The following TMEM132D variants were observed in gnomAD, a reference collection of about 807,000 sequenced individuals.
TMEM132D encodes the protein transmembrane protein 132D.
Under a neutral mutation model 62.3 loss-of-function variants are expected in TMEM132D, and 21 were observed. The observed-to-expected ratio is 0.34, with a 90% CI of 0.24 to 0.49. The LOEUF (loss-of-function observed/expected upper bound fraction) is 0.49. Ranked by LOEUF, TMEM132D falls within the 20% of genes least tolerant of loss-of-function variation. The probability of loss-of-function intolerance (pLI) is 0.99; values close to 1 mark genes in which losing one functional copy is unlikely to be tolerated. For missense variants in TMEM132D, 1,346 were observed against 1,402.8 expected (o/e 0.96, Z 0.65); for synonymous variants, 621 against 575.6 (o/e 1.08, Z -1.13).
chr12:129,873,771 A>G (rs1023889536), intron 1 of TMEM132D, among the ~76,000 whole-genome samples: 15 of 152,198 alleles, frequency 9.9e-5, no homozygotes, highest in Non-Finnish European at 2.1e-4. Context: ...TGGTTAAAAA[A>G]CACACAGAGA....
intron 3 of TMEM132D, among the ~76,000 whole-genome samples, chr12:129,398,006 G>A (rs558744179): frequency 6.6e-6 from 1 of 152,200 alleles, no homozygotes; most frequent in African/African-American, 2.4e-5. Flanking sequence ...AGGTGCTTCA[G>A]TTCTCTCAGC....
intron 4 of TMEM132D, among the ~76,000 whole-genome samples, chr12:129,227,933 T>A (rs1259468140): frequency 1.3e-5 from 2 of 152,204 alleles, no homozygotes; most frequent in African/African-American, 4.8e-5. Flanking sequence ...TGAACTCATC[T>A]TTTTTATGGC....
chr12:129,790,960 A>C (rs540252742), intron 1 of TMEM132D, among the ~76,000 whole-genome samples: 1 of 152,218 alleles, frequency 6.6e-6, no homozygotes, highest in Non-Finnish European at 1.5e-5. Context: ...TTTGTTTTCA[A>C]TGGAAAGAAA....
intron 2 of TMEM132D, among the ~76,000 whole-genome samples, chr12:129,682,009 C>T (rs1258777234): frequency 6.6e-6 from 1 of 152,222 alleles, no homozygotes; most frequent in Non-Finnish European, 1.5e-5. Context: ...TGCTATCTTG[C>T]ACTAGAATGT....
chr12:129,434,520 T>C (rs945194512), intron 3 of TMEM132D, among the ~76,000 whole-genome samples: 1 of 152,118 alleles, frequency 6.6e-6, no homozygotes, highest in Non-Finnish European at 1.5e-5. Context: ...ACAGATGGCA[T>C]GCTAAGGGGG....
At chr12:129,609,871 C>T (rs888897458) in intron 2 of TMEM132D, among the ~76,000 whole-genome samples, 2 of 152,212 alleles carry the variant, frequency 1.3e-5, no homozygotes, top group African/African-American at 4.8e-5. Flanking sequence ...ACACACTCCC[C>T]ACTGGGGGTT....
intron 5 of TMEM132D, among the ~76,000 whole-genome samples, chr12:129,198,111 T>G (rs1361584300): frequency 6.6e-6 from 1 of 152,340 alleles, no homozygotes; most frequent in South Asian, 2.1e-4. Flanking sequence ...TCTGTCAGAA[T>G]GGCTATTATT....
At position 129,861,010 on chromosome 12, in the gene TMEM132D, A is replaced by G. The variant is rs185384317; in HGVS notation, c.79+42251T>C. Among the ~76,000 whole-genome samples, 7 of 152,322 alleles carry G rather than the reference A, an allele frequency of 4.6e-5. No individual in the cohort carries two copies. In the East Asian group the frequency reaches 7.7e-4, roughly 17 times the overall value. Reference sequence around the variant, plus strand: ...ATTTGGGTGGGGACACAGCCAAACCATATCAGTTTGCTTATCAACAAATGA... The same window carrying G: ...ATTTGGGTGGGGACACAGCCAAACCGTATCAGTTTGCTTATCAACAAATGA... On this transcript the variant is annotated intron_variant, in intron 1 of 8. Coordinates refer to ENST00000422113, the MANE Select transcript of TMEM132D (RefSeq NM_133448.3).
chr12:129,334,995 A>G (rs1330581144), intron 4 of TMEM132D, among the ~76,000 whole-genome samples: 1 of 152,202 alleles, frequency 6.6e-6, no homozygotes, highest in Non-Finnish European at 1.5e-5. Context: ...GCTGTGGATA[A>G]GTCCCTTACC....
chr12:129,369,230 A>G (rs1262715093), intron 3 of TMEM132D, among the ~76,000 whole-genome samples: 1 of 152,196 alleles, frequency 6.6e-6, no homozygotes, highest in Non-Finnish European at 1.5e-5. Flanking sequence ...GACCTGCCAA[A>G]ATACAGGAAA....
intron 1 of TMEM132D, among the ~76,000 whole-genome samples, chr12:129,885,026 G>T (rs1566019270): frequency 6.6e-6 from 1 of 152,176 alleles, no homozygotes; most frequent in Non-Finnish European, 1.5e-5. Flanking sequence ...TAGCCCAAAA[G>T]GCTACATAGT....
At chr12:129,200,045 C>T (rs1248082611) in intron 5 of TMEM132D, among the ~76,000 whole-genome samples, 1 of 152,122 alleles carries the variant, frequency 6.6e-6, no homozygotes, top group African/African-American at 2.4e-5. Context: ...AATAATAATG[C>T]CAGGTGAGTA....
intron 5 of TMEM132D, among the ~76,000 whole-genome samples, chr12:129,187,439 T>A (rs1301211745): frequency 6.6e-6 from 1 of 152,168 alleles, no homozygotes; most frequent in Non-Finnish European, 1.5e-5. Flanking sequence ...AGGACTTGGC[T>A]GAGGGTGTCA....
At chr12:129,271,641 A>G (rs1365813113) in intron 4 of TMEM132D, among the ~76,000 whole-genome samples, 1 of 151,326 alleles carries the variant, frequency 6.6e-6, no homozygotes, top group Non-Finnish European at 1.5e-5. Context: ...ACTCCTACTT[A>G]TGAGTGAGAA....
chr12:129,125,499 AGTTTTTT>A (rs1419544628), intron 5 of TMEM132D, among the ~76,000 whole-genome samples: 7 of 127,832 alleles, frequency 5.5e-5, no homozygotes, highest in African/African-American at 1.5e-4. Context: ...AATTACTATG[AGTTTTTT>A]TTTTTTTTTT....
intron 5 of TMEM132D, among the ~76,000 whole-genome samples, chr12:129,197,803 T>C (rs767179352): frequency 6.6e-6 from 1 of 152,066 alleles, no homozygotes; most frequent in African/African-American, 2.4e-5. Context: ...GAATGAAACA[T>C]AAACATTTCT....
chr12:129,522,333 C>T (rs1207285404), intron 3 of TMEM132D, among the ~76,000 whole-genome samples: 3 of 152,142 alleles, frequency 2.0e-5, no homozygotes, highest in Non-Finnish European at 2.9e-5. Flanking sequence ...TGATACTTTG[C>T]ACCAGTTGGA....
At chr12:129,404,898 T>G (rs1328455572) in intron 3 of TMEM132D, among the ~76,000 whole-genome samples, 1 of 152,130 alleles carries the variant, frequency 6.6e-6, no homozygotes, top group Admixed American at 6.5e-5. Flanking sequence ...ATCAGGAAGC[T>G]GCCTGACTTG....
At chr12:129,599,809 T>A (rs1021483796) in intron 2 of TMEM132D, among the ~76,000 whole-genome samples, 2 of 152,256 alleles carry the variant, frequency 1.3e-5, no homozygotes, top group African/African-American at 4.8e-5. Context: ...AAAAAAACTA[T>A]GTACATGCTT....
Sources: gnomAD v4.1 joint callset for allele counts (sites outside exome capture counted in the v4.1 genomes callset) on GRCh38, gnomAD v4.1.1 for gene constraint, MANE v1.5 for transcripts, NCBI Gene and HGNC (gene_info 2026-07-23, HGNC 2026-07-21) for gene names.